Variants in GRIN2A observed in about 807,000 individuals in gnomAD.
GRIN2A encodes the protein glutamate receptor ionotropic, NMDA 2A.
Under a neutral mutation model 113.4 loss-of-function variants are expected in GRIN2A, and 22 were observed. The ratio of observed to expected loss-of-function variants is 0.19; its 90% CI spans 0.14 to 0.28. The LOEUF (loss-of-function observed/expected upper bound fraction) is 0.28. GRIN2A is among the 10% of genes least tolerant of loss of function. The probability of loss-of-function intolerance (pLI) is 1.00; values close to 1 mark genes in which losing one functional copy is unlikely to be tolerated. For missense variants in GRIN2A, 1,502 were observed against 1,887.0 expected, an observed-to-expected ratio of 0.80 and a Z score of 3.78; for synonymous variants, 827 against 738.4, an observed-to-expected ratio of 1.12 and a Z score of -1.94.
At chr16:10,093,781 C>G (rs953121278) in intron 2 of GRIN2A, among the ~76,000 whole-genome samples, 1 of 152,136 alleles carries the variant, frequency 6.6e-6, no homozygotes, top group South Asian at 2.1e-4. Flanking sequence ...AGTTTGATCA[C>G]GTGACTTAGT....
At chr16:9,852,268 T>C (rs1209707859) in intron 4 of GRIN2A, among the ~76,000 whole-genome samples, 1 of 152,230 alleles carries the variant, frequency 6.6e-6, no homozygotes, top group East Asian at 1.9e-4. Context: ...TCTCGCTATG[T>C]ACAGTGTTTC....
At chr16:9,910,697 C>T (rs926689272) in intron 3 of GRIN2A, among the ~76,000 whole-genome samples, 1 of 152,014 alleles carries the variant, frequency 6.6e-6, no homozygotes, top group Non-Finnish European at 1.5e-5. Context: ...ACCACTACAC[C>T]TGGCTAATTT....
intron 2 of GRIN2A, among the ~76,000 whole-genome samples, chr16:10,033,189 A>G (rs938735317): frequency 8.4e-4 from 128 of 152,250 alleles, no homozygotes; most frequent in African/African-American, 3.0e-3. Flanking sequence ...GCAAGATTGT[A>G]CCACATGGAA....
intron 2 of GRIN2A, among the ~76,000 whole-genome samples, chr16:10,099,955 C>CA (rs61303779): frequency 0.4 from 60,989 of 151,930 alleles, 12,368 homozygotes; most frequent in East Asian, 0.46. Context: ...AGGAGTTAGT[C>CA]AATAATCACA....
intron 2 of GRIN2A, among the ~76,000 whole-genome samples, chr16:10,083,673 G>A (rs1265055343): frequency 6.6e-6 from 1 of 152,020 alleles, no homozygotes; most frequent in African/African-American, 2.4e-5. Flanking sequence ...CCTACCTGAC[G>A]AATTTATCTT....
At chr16:10,099,706 G>A (rs2048356761) in intron 2 of GRIN2A, among the ~76,000 whole-genome samples, 1 of 152,164 alleles carries the variant, frequency 6.6e-6, no homozygotes, top group African/African-American at 2.4e-5. Flanking sequence ...CACTTCAAAG[G>A]CTAGATTCAA....
intron 4 of GRIN2A, among the ~76,000 whole-genome samples, chr16:9,864,569 G>C (rs1400740489): frequency 6.6e-6 from 1 of 152,170 alleles, no homozygotes; most frequent in African/African-American, 2.4e-5. Context: ...AACCTGACTT[G>C]AAGGATCTAA....
rs148214864 is a variant in GRIN2A, at chr16:10,159,281, C to A, written c.414+20717G>T. Among the ~76,000 whole-genome samples the A allele has an allele frequency of 4.6e-5, 7 of 152,190 alleles. No individual in the cohort carries two copies. In the East Asian group the frequency reaches 1.2e-3, roughly 25 times the overall value. On this transcript the variant is annotated intron_variant, in intron 2 of 12. Transcript: ENST00000330684. Reference sequence around the variant, plus strand: ...AATACCATTGACAGAGAGAAGAAATCCAGAATAAGCATGAATCAAAGAGGA... The same window carrying A: ...AATACCATTGACAGAGAGAAGAAATACAGAATAAGCATGAATCAAAGAGGA...
At chr16:10,007,142 T>A (rs1323694153) in intron 2 of GRIN2A, among the ~76,000 whole-genome samples, 1 of 152,252 alleles carries the variant, frequency 6.6e-6, no homozygotes. Context: ...TCTTTGGGTA[T>A]ATAGTTGACA....
At chr16:9,979,873 GTGTA>G (rs1567213782) in intron 2 of GRIN2A, among the ~76,000 whole-genome samples, 1 of 145,228 alleles carries the variant, frequency 6.9e-6, no homozygotes, top group Non-Finnish European at 1.5e-5. Flanking sequence ...GTGTGTGTGT[GTGTA>G]TGAGATAAAA....
In GRIN2A at chr16:9,754,222, ATT is replaced by A. The variant is rs1333883633; in HGVS notation, c.*8925_*8926del. The stretch of plus-strand genomic sequence containing the variant: ...ATATAAACTATGGTGAATTCTGCCA[ATT>A]AATTCAGCAGGTTTATGCTTTTAAA... On this transcript the variant is annotated 3_prime_UTR_variant, in exon 13 of 13. Transcript: ENST00000330684. 1 of 192,846 alleles carries A rather than the reference ATT, an allele frequency of 5.2e-6. No individual in the cohort carries two copies. Among genetic ancestry groups the A allele is most frequent in the Admixed American group, 6.1e-5 (1 of 16,290 alleles). 11.9% of individuals were successfully genotyped at this position (192,846 alleles called of 1,614,324 possible).
At chr16:10,079,788 C>CTCTTTT (rs1293198254) in intron 2 of GRIN2A, among the ~76,000 whole-genome samples, 3 of 152,200 alleles carry the variant, frequency 2.0e-5, no homozygotes, top group African/African-American at 7.2e-5. Context: ...GCAGCCCAAA[C>CTCTTTT]AGACTAAGAA....
At chr16:9,841,327 T>C (rs1381692931) in intron 5 of GRIN2A, among the ~76,000 whole-genome samples, 1 of 152,200 alleles carries the variant, frequency 6.6e-6, no homozygotes, top group Non-Finnish European at 1.5e-5. Context: ...GTAATTACTA[T>C]TTGCTAAGCA....
intron 2 of GRIN2A, among the ~76,000 whole-genome samples, chr16:9,970,343 A>C (rs557652545): frequency 1.3e-5 from 2 of 152,360 alleles, no homozygotes; most frequent in Admixed American, 1.3e-4. Context: ...GTTTAAAGCT[A>C]GGAAATAGAG....
At chr16:10,066,931 T>G (rs1448259) in intron 2 of GRIN2A, among the ~76,000 whole-genome samples, 112,861 of 152,134 alleles carry the variant, frequency 0.74, 42,094 homozygotes, top group East Asian at 0.96. Context: ...TACATACAAT[T>G]AAATATTAGC....
intron 2 of GRIN2A, among the ~76,000 whole-genome samples, chr16:10,170,214 C>T (rs1245196189): frequency 6.6e-6 from 1 of 152,174 alleles, no homozygotes; most frequent in Non-Finnish European, 1.5e-5. Flanking sequence ...ATGACCCTTG[C>T]AAAAACCATT....
At chr16:9,850,527 A>G (rs1352595243) in intron 4 of GRIN2A, among the ~76,000 whole-genome samples, 1 of 152,206 alleles carries the variant, frequency 6.6e-6, no homozygotes, top group Non-Finnish European at 1.5e-5. Context: ...AAAAGGAGAA[A>G]GAAGAAAAAG....
chr16:10,165,811 GA>G (rs1367495478), intron 2 of GRIN2A, among the ~76,000 whole-genome samples: 3 of 150,036 alleles, frequency 2.0e-5, no homozygotes, highest in South Asian at 2.1e-4. Flanking sequence ...GGAGGGAAGA[GA>G]AAAAGAAGAG....
chr16:9,802,144 G>A (rs1383296262), intron 10 of GRIN2A, among the ~76,000 whole-genome samples: 2 of 152,156 alleles, frequency 1.3e-5, no homozygotes, highest in Admixed American at 1.3e-4. Context: ...TGCAACCATT[G>A]TGGAAAGCAG....
Sources: allele counts gnomAD v4.1 joint callset (sites outside exome capture counted in the v4.1 genomes callset), GRCh38; gene constraint gnomAD v4.1.1; transcripts MANE v1.5; gene names NCBI Gene and HGNC (gene_info 2026-07-23, HGNC 2026-07-21).